AGBL1: variants seen among roughly 807,000 people sequenced by gnomAD.
The protein encoded by AGBL1 is cytosolic carboxypeptidase 4.
In AGBL1, 130 loss-of-function variants were observed where a neutral mutation model predicts 118.9. The ratio of observed to expected loss-of-function variants is 1.09; its 90% CI spans 0.95 to 1.26. The LOEUF is 1.26. Ranked by LOEUF, AGBL1 falls within the 50% of genes most tolerant of loss-of-function variation. The pLI is 0.00. For synonymous variants in AGBL1, 555 were observed against 478.9 expected, an observed-to-expected ratio of 1.16 and a Z score of -2.08; for missense variants, 1,584 against 1,298.1, an observed-to-expected ratio of 1.22 and a Z score of -3.38.
chr15:86,193,897 C>A (rs1006264534), intron 5 of AGBL1, among the ~76,000 whole-genome samples: 1 of 152,226 alleles, frequency 6.6e-6, no homozygotes, highest in Admixed American at 6.5e-5. Context: ...CAGAGCCTCT[C>A]TGGCAAGCCC....
chr15:86,567,737 G>A (rs573904872), intron 21 of AGBL1, among the ~76,000 whole-genome samples: 1 of 152,232 alleles, frequency 6.6e-6, no homozygotes, highest in South Asian at 2.1e-4. Context: ...TCAAACCTTA[G>A]TGTGCATGAG....
chr15:86,164,882 C>T (rs916157005), intron 5 of AGBL1, among the ~76,000 whole-genome samples: 3 of 152,204 alleles, frequency 2.0e-5, no homozygotes, highest in Non-Finnish European at 2.9e-5. Context: ...CCTTCATTTT[C>T]TCTGGAGCTG....
intron 13 of AGBL1, 52 bp from the exon 14 acceptor site, chr15:86,269,867 T>TATCA: frequency 4.4e-6 from 7 of 1,578,662 alleles, no homozygotes; most frequent in South Asian, 1.2e-5. Flanking sequence ...GTGTCTGAAG[T>TATCA]TTACCTGAAA....
chr15:86,410,866 ATATAATATATAT>A lies in AGBL1; in HGVS notation c.2555+13337_2555+13348del, dbSNP rs371246006. Among the ~76,000 whole-genome samples, 806 of 81,150 alleles carry A rather than the reference ATATAATATATAT, an allele frequency of 9.9e-3. 2 individuals carry two copies. The highest frequency in any genetic ancestry group is 0.023 in the East Asian group (32 of 1,408). 53.2% of individuals were successfully genotyped at this position (81,150 alleles called of 152,430 possible). The stretch of plus-strand genomic sequence containing the variant: ...TAATATACTATTTTATATATAAAAT[ATATAATATATAT>A]TATAATATATATTATATAATATTAT... On this transcript the variant is annotated intron_variant, in intron 18 of 22. Coordinates refer to ENST00000614907, the MANE Select transcript of AGBL1 (RefSeq NM_001386094.1).
At position 86,089,652 on chromosome 15, in the gene AGBL1, C is replaced by T. The variant is rs35205719; in HGVS notation, c.51+9629C>T. 6.3e-3 allele frequency among the ~76,000 whole-genome samples: 966 copies of T among 152,154 alleles called. 4 individuals are homozygous for T. The highest frequency in any genetic ancestry group is 8.6e-3 in the Non-Finnish European group (583 of 67,998). Reference sequence around the variant, plus strand: ...CTCACCCTTCCCCTGACCAATTCCCCGAAAACAATGCATGTTAACATTTCT... The same window carrying T: ...CTCACCCTTCCCCTGACCAATTCCCTGAAAACAATGCATGTTAACATTTCT... On this transcript the variant is annotated intron_variant, in intron 1 of 22. Transcript: ENST00000614907.
At chr15:86,827,485 GTGTGTA>G (rs1397248491) in intron 22 of AGBL1, among the ~76,000 whole-genome samples, 106 of 3,866 alleles carry the variant, frequency 0.027, 8 homozygotes, top group African/African-American at 0.086. Context: ...ATATATATAT[GTGTGTA>G]TATATATATA....
intron 17 of AGBL1, among the ~76,000 whole-genome samples, chr15:86,382,163 G>A (rs1300315261): frequency 2.0e-5 from 3 of 146,832 alleles, no homozygotes; most frequent in African/African-American, 7.5e-5. Flanking sequence ...TGGGGGGCAG[G>A]GGAGTGGGGG....
At chr15:86,631,593 A>G (rs973728832) in intron 21 of AGBL1, among the ~76,000 whole-genome samples, 1 of 152,156 alleles carries the variant, frequency 6.6e-6, no homozygotes, top group African/African-American at 2.4e-5. Flanking sequence ...TCTTTTATTT[A>G]TCTCTTGCAT....
At chr15:86,403,780 C>A (rs2081482612) in intron 18 of AGBL1, among the ~76,000 whole-genome samples, 2 of 152,134 alleles carry the variant, frequency 1.3e-5, no homozygotes, top group South Asian at 2.1e-4. Context: ...CAAGTCTATC[C>A]CACATTACTT....
At chr15:86,576,326 G>A (rs2084091439) in intron 21 of AGBL1, among the ~76,000 whole-genome samples, 1 of 152,070 alleles carries the variant, frequency 6.6e-6, no homozygotes, top group South Asian at 2.1e-4. Context: ...GAATTGGGCA[G>A]CCTCCAAACC....
At chr15:86,782,605 A>G (rs1465444179) in intron 22 of AGBL1, among the ~76,000 whole-genome samples, 1 of 152,216 alleles carries the variant, frequency 6.6e-6, no homozygotes, top group Non-Finnish European at 1.5e-5. Flanking sequence ...CTAATCTTGG[A>G]TAATACTCTA....
intron 5 of AGBL1, among the ~76,000 whole-genome samples, chr15:86,187,156 G>C (rs1233572632): frequency 6.6e-6 from 1 of 152,164 alleles, no homozygotes; most frequent in Non-Finnish European, 1.5e-5. Flanking sequence ...CCACAAATCA[G>C]TTAACAAGAT....
intron 17 of AGBL1, among the ~76,000 whole-genome samples, chr15:86,390,071 A>G (rs1389563044): frequency 6.6e-6 from 1 of 152,190 alleles, no homozygotes; most frequent in African/African-American, 2.4e-5. Flanking sequence ...TGATGAAAAA[A>G]TATATATTTT....
chr15:86,734,994 T>TAATAATAATAATAATTAAATAATA (rs2077572377), intron 22 of AGBL1, among the ~76,000 whole-genome samples: 1 of 152,086 alleles, frequency 6.6e-6, no homozygotes, highest in African/African-American at 2.4e-5. Flanking sequence ...TTTTCTATTT[T>TAATAATAATAATAATTAAATAATA]CTTTTGTGCT....
intron 24 of AGBL1, among the ~76,000 whole-genome samples, chr15:87,024,681 A>C (rs1185729787): frequency 6.6e-6 from 1 of 152,036 alleles, no homozygotes. Flanking sequence ...GATCTAGCCC[A>C]AAAAGAAAAC....
chr15:86,844,511 T>C (rs1749231420), intron 22 of AGBL1, among the ~76,000 whole-genome samples: 1 of 152,170 alleles, frequency 6.6e-6, no homozygotes, highest in African/African-American at 2.4e-5. Context: ...ATGTATTTCT[T>C]TGGTGAAATC....
At chr15:86,493,741 A>C (rs746490011) in intron 18 of AGBL1, among the ~76,000 whole-genome samples, 2 of 152,082 alleles carry the variant, frequency 1.3e-5, no homozygotes, top group Admixed American at 1.3e-4. Context: ...TGCAAAACAC[A>C]CACAGACACA....
intron 23 of AGBL1, among the ~76,000 whole-genome samples, chr15:86,983,678 C>T (rs1342094850): frequency 5.3e-5 from 8 of 152,178 alleles, no homozygotes; most frequent in Non-Finnish European, 8.8e-5. Flanking sequence ...GGTTCCCATG[C>T]GTTCCTTTGC....
chr15:86,827,426 T>C (rs1462757876), intron 22 of AGBL1, among the ~76,000 whole-genome samples: 258 of 9,218 alleles, frequency 0.028, 35 homozygotes, highest in African/African-American at 0.14. Flanking sequence ...TATATATATA[T>C]ATACACATAT....
Sources: gnomAD v4.1 joint callset for allele counts (sites outside exome capture counted in the v4.1 genomes callset) on GRCh38, gnomAD v4.1.1 for gene constraint, MANE v1.5 for transcripts, NCBI Gene and HGNC (gene_info 2026-07-23, HGNC 2026-07-21) for gene names.